Variants in GALNT17 observed in about 807,000 individuals in gnomAD.
GALNT17 encodes the protein polypeptide N-acetylgalactosaminyltransferase 17, also known as UDP-GalNAc:polypeptide N-acetylgalactosaminyltransferase-like 3.
Under a neutral mutation model 63.7 loss-of-function variants are expected in GALNT17, and 29 were observed. That is an observed-to-expected ratio of 0.46 (90% CI 0.34 to 0.62). GALNT17 has a LOEUF of 0.62. Ranked by LOEUF, GALNT17 falls within the 20% of genes least tolerant of loss-of-function variation. The pLI, the probability that GALNT17 is intolerant of heterozygous loss-of-function variation, is 0.01. For synonymous variants in GALNT17, 305 were observed against 318.3 expected, an observed-to-expected ratio of 0.96 and a Z score of 0.45; for missense variants, 603 against 799.6, an observed-to-expected ratio of 0.75 and a Z score of 2.97.
chr7:71,516,095 G>A (rs932097993), intron 5 of GALNT17, among the ~76,000 whole-genome samples: 7 of 152,068 alleles, frequency 4.6e-5, no homozygotes, highest in African/African-American at 7.2e-5. Flanking sequence ...AGTGAGATAC[G>A]CATTGGACTC....
At position 71,388,141 on chromosome 7, in the gene GALNT17, G is replaced by C; in HGVS notation, c.423-94G>C. 2.2e-6 allele frequency: 3 copies of C among 1,371,800 alleles called. No individual in the cohort carries two copies. The East Asian group carries it at 7.0e-5, about 32-fold the overall frequency. The allele number at this position is 1,371,800 out of a possible 1,614,324, so 85.0% of individuals were successfully genotyped here. A position where few individuals can be genotyped will look rare whatever the true frequency, so the allele number is the denominator to read the frequency against. On this transcript the variant is annotated intron_variant, in intron 2 of 10. Transcript: ENST00000333538. ...GATTCACGCCTTGGGACGACTGGAT[G>C]AGGATTCGGCTGAAATCTTACACTA...
intron 1 of GALNT17, among the ~76,000 whole-genome samples, chr7:71,274,400 C>T (rs1437885583): frequency 6.6e-6 from 1 of 152,132 alleles, no homozygotes; most frequent in African/African-American, 2.4e-5. Flanking sequence ...CTGCCTCAGC[C>T]TCCTGAGTAG....
chr7:71,377,114 A>AAAAAAAAAACATAT, intron 2 of GALNT17, among the ~76,000 whole-genome samples: 1 of 57,486 alleles, frequency 1.7e-5, no homozygotes, highest in African/African-American at 9.4e-5. Context: ...AAATAAAAAA[A>AAAAAAAAAACATAT]ATATATATAT....
intron 1 of GALNT17, among the ~76,000 whole-genome samples, chr7:71,321,867 TTTCCTTCCTTCCTTCCTTCC>T (rs1178713360): frequency 1.1e-4 from 5 of 46,902 alleles, no homozygotes; most frequent in East Asian, 1.6e-3. Context: ...CCTTCCTTCC[TTTCCTTCCTTCCTTCCTTCC>T]TTCCTTCCTT....
chr7:71,453,833 C>T (rs1231914209), intron 5 of GALNT17, among the ~76,000 whole-genome samples: 1 of 152,216 alleles, frequency 6.6e-6, no homozygotes, highest in Non-Finnish European at 1.5e-5. Context: ...CACAAATCCT[C>T]AGTGAGTGTT....
intron 9 of GALNT17, among the ~76,000 whole-genome samples, chr7:71,697,910 G>A (rs1176931763): frequency 3.9e-5 from 6 of 152,160 alleles, no homozygotes; most frequent in South Asian, 2.1e-4. Flanking sequence ...ATCACCTGAG[G>A]TCAGGAGTTC....
intron 5 of GALNT17, among the ~76,000 whole-genome samples, chr7:71,443,786 A>G (rs1171915527): frequency 8.6e-5 from 13 of 150,964 alleles, no homozygotes; most frequent in African/African-American, 3.2e-4. Context: ...GTGCAGTGGC[A>G]TGATCTTGGC....
At chr7:71,572,095 T>C (rs899060316) in intron 6 of GALNT17, among the ~76,000 whole-genome samples, 1 of 151,734 alleles carries the variant, frequency 6.6e-6, no homozygotes, top group Non-Finnish European at 1.5e-5. Flanking sequence ...TATTGACATA[T>C]ACAGATTTTG....
intron 9 of GALNT17, among the ~76,000 whole-genome samples, chr7:71,704,596 C>G (rs762001325): frequency 6.6e-6 from 1 of 151,030 alleles, no homozygotes; most frequent in Admixed American, 6.6e-5. Context: ...AGTTGCAAGA[C>G]TCACACTTCC....
rs571768955 is a variant in GALNT17 at position 71,216,310 on chromosome 7, A to G, written c.238+83270A>G. ...AAACTCTGCTGTACACTTTGTAAAG[A>G]ATGAGAGTGAAAAGGGCAAATAAGT... is the stretch of plus-strand genomic sequence containing the variant. On this transcript the variant is annotated intron_variant, in intron 1 of 10. Coordinates refer to ENST00000333538, the MANE Select transcript of GALNT17 (RefSeq NM_022479.3). 5.9e-5 allele frequency among the ~76,000 whole-genome samples: 9 copies of G among 152,284 alleles called. No individual in the cohort carries two copies. In the South Asian group the frequency reaches 1.9e-3, roughly 32 times the overall value.
At chr7:71,620,457 A>G (rs1790273981) in intron 6 of GALNT17, among the ~76,000 whole-genome samples, 1 of 152,190 alleles carries the variant, frequency 6.6e-6, no homozygotes, top group Admixed American at 6.5e-5. Flanking sequence ...AGCCTGGGTG[A>G]CAGAGCAAGA....
intron 6 of GALNT17, among the ~76,000 whole-genome samples, chr7:71,597,912 C>T (rs1388151700): frequency 6.6e-6 from 1 of 152,110 alleles, no homozygotes; most frequent in Non-Finnish European, 1.5e-5. Flanking sequence ...CTCATGATCC[C>T]CTGCTCCCTG....
At chr7:71,195,296 A>G (rs1789026522) in intron 1 of GALNT17, among the ~76,000 whole-genome samples, 1 of 151,996 alleles carries the variant, frequency 6.6e-6, no homozygotes, top group Non-Finnish European at 1.5e-5. Context: ...ACTTAGTGCC[A>G]CCTCGACCTC....
intron 5 of GALNT17, among the ~76,000 whole-genome samples, chr7:71,453,576 C>T (rs1030579728): frequency 1.3e-5 from 2 of 152,198 alleles, no homozygotes; most frequent in Non-Finnish European, 2.9e-5. Context: ...CCCACTGGGT[C>T]CTTCCCACAA....
chr7:71,710,161 C>T (rs563103287), intron 9 of GALNT17, among the ~76,000 whole-genome samples: 2 of 152,192 alleles, frequency 1.3e-5, no homozygotes, highest in Admixed American at 6.5e-5. Flanking sequence ...TCCTTCTCCC[C>T]GATGTTGCTG....
intron 5 of GALNT17, among the ~76,000 whole-genome samples, chr7:71,522,641 G>T (rs952041962): frequency 6.6e-6 from 1 of 152,070 alleles, no homozygotes; most frequent in Non-Finnish European, 1.5e-5. Context: ...GGGAATTATG[G>T]GAGCTACAAG....
chr7:71,145,749 A>G (rs1342184509), intron 1 of GALNT17, among the ~76,000 whole-genome samples: 1 of 152,154 alleles, frequency 6.6e-6, no homozygotes, highest in Non-Finnish European at 1.5e-5. Flanking sequence ...CTCGTTGCCC[A>G]GGCCGGAGTG....
At chr7:71,355,970 C>T (rs961112251) in intron 2 of GALNT17, among the ~76,000 whole-genome samples, 1 of 151,996 alleles carries the variant, frequency 6.6e-6, no homozygotes, top group Admixed American at 6.6e-5. Flanking sequence ...TTTGTATATA[C>T]GGAGTCTGCT....
At chr7:71,703,024 G>A (rs2117118650) in intron 9 of GALNT17, among the ~76,000 whole-genome samples, 1 of 152,310 alleles carries the variant, frequency 6.6e-6, no homozygotes, top group Non-Finnish European at 1.5e-5. Context: ...TTGGAATTGA[G>A]AGAAATTTTT....
Sources: allele counts gnomAD v4.1 joint callset (sites outside exome capture counted in the v4.1 genomes callset), GRCh38; gene constraint gnomAD v4.1.1; transcripts MANE v1.5; gene names NCBI Gene and HGNC (gene_info 2026-07-23, HGNC 2026-07-21).